ZDHHC13: variants seen among roughly 807,000 people sequenced by gnomAD.
ZDHHC13 encodes zDHHC palmitoyltransferase 13.
Under a neutral mutation model 86.0 loss-of-function variants are expected in ZDHHC13, and 85 were observed. That is an observed-to-expected ratio of 0.99 (90% CI 0.83 to 1.18). The LOEUF (loss-of-function observed/expected upper bound fraction) is 1.18, where lower values mean the gene tolerates loss of function less well. ZDHHC13 is among the 50% of genes most tolerant of loss of function. ZDHHC13 has a pLI of 0.00. For synonymous variants in ZDHHC13, 263 were observed against 246.4 expected (o/e 1.07, Z -0.63); for missense variants, 711 against 730.2 (o/e 0.97, Z 0.30).
At position 19,133,942 on chromosome 11, in the gene ZDHHC13, T is replaced by TATATATATAC; in HGVS notation, c.28-9035_28-9034insTATATATACA. Among the ~76,000 whole-genome samples the TATATATATAC allele has an allele frequency of 7.1e-3, 681 of 96,080 alleles. 34 individuals carry two copies. Among genetic ancestry groups the TATATATATAC allele is most frequent in the African/African-American group, 0.021 (632 of 29,602 alleles). The allele number at this position is 96,080 out of a possible 152,430, so 63.0% of individuals were successfully genotyped here. On this transcript the variant is annotated intron_variant, in intron 1 of 16. Transcript: ENST00000446113. ...GTCCATATATATATATATATATATA[T>TATATATATAC]ACACGTATGTGTTTTATATACTTCA...
intron 14 of ZDHHC13, chr11:19,168,834 C>A: frequency 1.3e-5 from 13 of 985,416 alleles, no homozygotes; most frequent in Non-Finnish European, 1.4e-5. Flanking sequence ...GGTCTGTTTA[C>A]AAGGTGGATA....
chr11:19,136,570 G>A (rs906131123), intron 1 of ZDHHC13, among the ~76,000 whole-genome samples: 2 of 152,042 alleles, frequency 1.3e-5, no homozygotes, highest in African/African-American at 4.8e-5. Context: ...TACAGAGAAT[G>A]CCACAAAGAT....
intron 9 of ZDHHC13, 41 bp from the exon 10 acceptor site, chr11:19,158,899 C>A: frequency 7.8e-7 from 1 of 1,288,064 alleles, no homozygotes; most frequent in Non-Finnish European, 1.1e-6. Flanking sequence ...AAAATTAATA[C>A]AAGTCATACT....
intron 12 of ZDHHC13, chr11:19,164,675 C>CT (rs1474231238): frequency 1.9e-5 from 8 of 419,224 alleles, no homozygotes; most frequent in Non-Finnish European, 3.4e-5. Context: ...TTAGAAACCA[C>CT]TTAGTGAAAC....
At chr11:19,163,177 T>G in intron 10 of ZDHHC13, 126 bp from the exon 11 acceptor site, 1 of 944,660 alleles carries the variant, frequency 1.1e-6, no homozygotes, top group Non-Finnish European at 1.5e-6. Context: ...TGGGAAGAGA[T>G]TTAGGGGCAG....
chr11:19,165,474 T>A (rs1232992085), intron 13 of ZDHHC13, among the ~76,000 whole-genome samples: 2 of 152,100 alleles, frequency 1.3e-5, no homozygotes, highest in East Asian at 3.8e-4. Flanking sequence ...TTCCAATGGG[T>A]GTTGTTCCTT....
intron 1 of ZDHHC13, among the ~76,000 whole-genome samples, chr11:19,126,222 C>T (rs1243726350): frequency 2.0e-5 from 3 of 151,952 alleles, no homozygotes; most frequent in African/African-American, 7.3e-5. Flanking sequence ...ATTTCCTTAC[C>T]CAAGTATTAA....
At chr11:19,161,800 A>G (rs960838503) in intron 10 of ZDHHC13, among the ~76,000 whole-genome samples, 1 of 152,132 alleles carries the variant, frequency 6.6e-6, no homozygotes, top group African/African-American at 2.4e-5. Context: ...GAGCTATGAC[A>G]TAGCTTCTGG....
At chr11:19,161,372 A>G (rs1849906828) in intron 10 of ZDHHC13, among the ~76,000 whole-genome samples, 1 of 152,028 alleles carries the variant, frequency 6.6e-6, no homozygotes, top group Non-Finnish European at 1.5e-5. Flanking sequence ...TGTGGCTGCA[A>G]GGATTACTAT....
chr11:19,149,268 C>T lies in ZDHHC13; in HGVS notation c.456C>T (p.Ser152=), dbSNP rs1849549129. ...PTLIDGEGFS[S]IHLAVLFQHM... ...TTATTGATGGAGAGGGATTCAGCAG[C>T]ATCCACCTGGCAGTATTGTTTCAAC... Residue 152 remains serine (S), a synonymous_variant, in exon 5 of 17, where the codon AGC becomes AGT. Coordinates refer to ENST00000446113, the MANE Select transcript of ZDHHC13 (RefSeq NM_019028.3). 5 of 1,606,334 alleles carry T rather than the reference C, an allele frequency of 3.1e-6. No individual in the cohort carries two copies. The highest frequency in any genetic ancestry group is 1.3e-5 in the African/African-American group (1 of 74,864).
rs560895709 is a variant in ZDHHC13 at position 19,164,134 on chromosome 11, C to T, written c.1234-167C>T. On this transcript the variant is annotated intron_variant, in intron 11 of 16. Transcript: ENST00000446113. ...ATTAGCTGTTGGTTGAAAATGCAACCTTGAAGAGTCACATCATTTCAAGCA... is the reference window on the plus strand; with the variant it reads ...ATTAGCTGTTGGTTGAAAATGCAACTTTGAAGAGTCACATCATTTCAAGCA... The T allele has an allele frequency of 1.6e-5, 10 of 636,048 alleles. No homozygotes were observed. In the East Asian group the frequency reaches 2.4e-4, roughly 15 times the overall value. The allele number at this position is 636,048 out of a possible 1,614,324, so 39.4% of individuals were successfully genotyped here.
chr11:19,147,783 C>CT (rs1565031078), intron 4 of ZDHHC13, 110 bp downstream of exon 4: 1 of 710,100 alleles, frequency 1.4e-6, no homozygotes, highest in Non-Finnish European at 2.1e-6. Flanking sequence ...CCCCCCCCCC[C>CT]TTTATTTAAA....
intron 8 of ZDHHC13, among the ~76,000 whole-genome samples, chr11:19,153,276 A>G (rs1257737760): frequency 6.6e-6 from 1 of 152,188 alleles, no homozygotes; most frequent in Non-Finnish European, 1.5e-5. Flanking sequence ...ATAATGGAAA[A>G]CTTTAGAAAC....
intron 1 of ZDHHC13, among the ~76,000 whole-genome samples, chr11:19,121,250 C>T (rs1043813895): frequency 2.6e-5 from 4 of 152,160 alleles, no homozygotes; most frequent in Non-Finnish European, 5.9e-5. Flanking sequence ...TCAGGTGGTC[C>T]AGTCATGATA....
At chr11:19,169,836 A>G (rs1009471972) in intron 14 of ZDHHC13, 90 of 985,522 alleles carry the variant, frequency 9.1e-5, no homozygotes, top group Non-Finnish European at 9.4e-5. Context: ...TTCTTTTCCC[A>G]GGTGTATCTG....
chr11:19,172,893 C>T, intron 16 of ZDHHC13, 73 bp downstream of exon 16: 1 of 1,320,724 alleles, frequency 7.6e-7, no homozygotes. Flanking sequence ...GCTGGTGCCA[C>T]TACCCATGGC....
intron 12 of ZDHHC13, chr11:19,164,617 A>C: frequency 1.9e-6 from 1 of 515,736 alleles, no homozygotes. Context: ...TTTCTCTGTC[A>C]TGAAGCATAT....
chr11:19,170,423 A>G lies in ZDHHC13; in HGVS notation c.1487A>G (p.His496Arg). The G allele has an allele frequency of 6.9e-7, 1 of 1,446,220 alleles. No individual in the cohort carries two copies. Among genetic ancestry groups the G allele is most frequent in the Non-Finnish European group, 9.1e-7 (1 of 1,104,102 alleles). The allele number at this position is 1,446,220 out of a possible 1,614,324, so 89.6% of individuals were successfully genotyped here. A position where few individuals can be genotyped will look rare whatever the true frequency, so the allele number is the denominator to read the frequency against. ...IYGSFIYLSS[H>R]CATTFKEDGL... ...GGTGAATTCACAGATTTGTCCAGTC[A>G]TTGTGCCACAACATTCAAAGAAGAT... The change falls in exon 15 of 17, where the codon CAT (histidine) becomes CGT (arginine). Residue 496 changes from histidine (H) to arginine (R), a missense_variant. Coordinates refer to ENST00000446113, the MANE Select transcript of ZDHHC13 (RefSeq NM_019028.3).
At position 19,143,065 on chromosome 11, in the gene ZDHHC13, A is replaced by C; in HGVS notation, c.115A>C (p.Arg39=). 2 of 1,613,378 alleles carry C rather than the reference A, an allele frequency of 1.2e-6. No homozygotes were observed. The highest frequency in any genetic ancestry group is 1.7e-6 in the Non-Finnish European group (2 of 1,179,622). Residue 39 remains arginine (R), a synonymous_variant, in exon 2 of 17, where the codon AGA becomes CGA. Coordinates refer to ENST00000446113, the MANE Select transcript of ZDHHC13 (RefSeq NM_019028.3). ...AHENKELANA[R]EALPLIEDSS... is the part of the protein sequence containing the mutation. Reference sequence around the variant, plus strand: ...TGAAAACAAAGAACTTGCCAATGCAAGAGAAGCTCTTCCTCTTATAGAGGA... The same window carrying C: ...TGAAAACAAAGAACTTGCCAATGCACGAGAAGCTCTTCCTCTTATAGAGGA...
Sources: gnomAD v4.1 joint callset for allele counts (sites outside exome capture counted in the v4.1 genomes callset) on GRCh38, gnomAD v4.1.1 for gene constraint, MANE v1.5 for transcripts, NCBI Gene and HGNC (gene_info 2026-07-23, HGNC 2026-07-21) for gene names.